ILDR2: variants seen among roughly 807,000 people sequenced by gnomAD.
ILDR2 encodes immunoglobulin like domain containing receptor 2, also known as immunoglobulin-like domain-containing receptor 2.
Under a neutral mutation model 66.8 loss-of-function variants are expected in ILDR2, and 25 were observed. The observed-to-expected ratio is 0.37, with a 90% CI of 0.27 to 0.52. The LOEUF (loss-of-function observed/expected upper bound fraction) is 0.52, where lower values mean the gene tolerates loss of function less well. Ranked by LOEUF, ILDR2 falls within the 20% of genes least tolerant of loss-of-function variation. ILDR2 has a pLI of 0.88. For missense variants in ILDR2, 827 were observed against 876.8 expected (o/e 0.94, Z 0.72); for synonymous variants, 367 against 357.2 (o/e 1.03, Z -0.31).
At chr1:166,945,610 C>T (rs1456939644) in intron 3 of ILDR2, among the ~76,000 whole-genome samples, 2 of 152,266 alleles carry the variant, frequency 1.3e-5, no homozygotes, top group East Asian at 3.9e-4. Flanking sequence ...AATCCAAGCT[C>T]TAATCATTTC....
chr1:166,921,256 G>A lies in ILDR2; in HGVS notation c.1335C>T (p.Asp445=), dbSNP rs1659917778. The A allele has an allele frequency of 8.1e-6, 13 of 1,598,662 alleles. No homozygotes were observed. Among genetic ancestry groups the A allele is most frequent in the Admixed American group, 1.7e-5 (1 of 59,424 alleles). Residue 445 remains aspartate, a synonymous_variant, in exon 9 of 10, where the codon GAC becomes GAT. Coordinates refer to ENST00000271417, the MANE Select transcript of ILDR2 (RefSeq NM_199351.3). The surrounding 1 kb of genome is among the most constrained non-coding windows in gnomAD (Gnocchi z 5.3). ...CGCCCCGCGCCTCGTGACTGTTGCCGTCTGCCCGGCGGGGCCGCTGGCCGT... is the reference window on the plus strand; with the variant it reads ...CGCCCCGCGCCTCGTGACTGTTGCCATCTGCCCGGCGGGGCCGCTGGCCGT... ...DSYGQRPRRA[D]GNSHEARGGS... is the part of the protein sequence containing the mutation.
chr1:166,928,866 G>A (rs2101881212), intron 6 of ILDR2, among the ~76,000 whole-genome samples: 1 of 152,322 alleles, frequency 6.6e-6, no homozygotes, highest in Non-Finnish European at 1.5e-5. Context: ...ACACTTTTTA[G>A]TGGCACTTTC....
intron 1 of ILDR2, among the ~76,000 whole-genome samples, chr1:166,966,329 C>T (rs1185662156): frequency 1.3e-5 from 2 of 152,128 alleles, no homozygotes; most frequent in African/African-American, 4.8e-5. Flanking sequence ...TACCTGATTG[C>T]TCAATCCACT....
chr1:166,920,142 A>T (rs931362919), intron 9 of ILDR2, among the ~76,000 whole-genome samples: 2 of 152,246 alleles, frequency 1.3e-5, no homozygotes, highest in Admixed American at 1.3e-4. Context: ...TCCTTCACAT[A>T]TACGGGCACA....
intron 6 of ILDR2, chr1:166,933,565 T>G: frequency 1.0e-6 from 1 of 982,420 alleles, no homozygotes; most frequent in African/African-American, 1.7e-5. Context: ...ACCAAAATGG[T>G]TGAACTGCAA....
chr1:166,923,276 G>C (rs1660070321), intron 7 of ILDR2, among the ~76,000 whole-genome samples: 1 of 152,210 alleles, frequency 6.6e-6, no homozygotes. Flanking sequence ...CCAGTCCTAA[G>C]ATGGACCTTC....
intron 1 of ILDR2, among the ~76,000 whole-genome samples, chr1:166,963,528 A>G (rs1396968038): frequency 6.6e-6 from 1 of 152,222 alleles, no homozygotes; most frequent in Non-Finnish European, 1.5e-5. Context: ...GTTTGAGAAT[A>G]GCCAACTAAA....
chr1:166,959,474 C>T (rs1488964336), intron 1 of ILDR2, among the ~76,000 whole-genome samples: 1 of 151,900 alleles, frequency 6.6e-6, no homozygotes, highest in East Asian at 1.9e-4. Flanking sequence ...GCAAAGGGGA[C>T]AGAGATGAAA....
intron 1 of ILDR2, among the ~76,000 whole-genome samples, chr1:166,973,548 C>T (rs1663425218): frequency 6.7e-6 from 1 of 149,078 alleles, no homozygotes; most frequent in African/African-American, 2.5e-5. Context: ...TGCAAACCCC[C>T]AGAGTACTTC....
rs72707808 is a variant in ILDR2 at position 166,917,044 on chromosome 1, A to G, written c.*2311T>C. 8.0e-3 allele frequency: 1,224 copies of G among 152,352 alleles called. 9 individuals carry two copies. The highest frequency in any genetic ancestry group is 0.012 in the Admixed American group (191 of 15,302). 9.4% of individuals were successfully genotyped at this position (152,352 alleles called of 1,614,324 possible). A position where few individuals can be genotyped will look rare whatever the true frequency, so the allele number is the denominator to read the frequency against. On this transcript the variant is annotated 3_prime_UTR_variant, in exon 10 of 10. Transcript: ENST00000271417. ...AGCAAGTTGAAATCCAAAGCTGGTG[A>G]CTAAGAAATGTTTTTTATCATCTTT...
At chr1:166,974,363 C>G (rs915721284) in intron 1 of ILDR2, among the ~76,000 whole-genome samples, 6 of 152,300 alleles carry the variant, frequency 3.9e-5, no homozygotes, top group Admixed American at 3.3e-4. Flanking sequence ...CCCTGTATCC[C>G]TATGGGAATC....
At chr1:166,943,219 A>G (rs1661410893) in intron 3 of ILDR2, among the ~76,000 whole-genome samples, 1 of 152,162 alleles carries the variant, frequency 6.6e-6, no homozygotes, top group African/African-American at 2.4e-5. Flanking sequence ...TTGGCCGGGC[A>G]CGGTGGCTCA....
At chr1:166,951,048 G>A (rs1321051894) in intron 3 of ILDR2, among the ~76,000 whole-genome samples, 3 of 152,122 alleles carry the variant, frequency 2.0e-5, no homozygotes, top group African/African-American at 7.2e-5. Flanking sequence ...GCCTGACATT[G>A]TTTTCTTCAT....
At position 166,921,038 on chromosome 1, in the gene ILDR2, G is replaced by A. The variant is rs749874341; in HGVS notation, c.1553C>T (p.Pro518Leu). The A allele has an allele frequency of 6.6e-7, 1 of 1,510,102 alleles. No individual in the cohort carries two copies. Among genetic ancestry groups the A allele is most frequent in the Admixed American group, 2.2e-5 (1 of 46,094 alleles). 93.5% of individuals were successfully genotyped at this position (1,510,102 alleles called of 1,614,324 possible). Residue 518 changes from proline (P) to leucine (L), a missense_variant, in exon 9 of 10, where the codon CCA (proline) becomes CTA (leucine). Transcript: ENST00000271417. This position sits in a 1 kb window ranked among gnomAD's most constrained non-coding sequence, Gnocchi z 5.3. Reference protein sequence around the residue: ...AHLPRLVSRTPGTAPKYDHSY... With the variant: ...AHLPRLVSRTLGTAPKYDHSY... The stretch of plus-strand genomic sequence containing the variant: ...GTGGTCGTATTTGGGTGCGGTGCCT[G>A]GCGTGCGGCTCACCAGCCGCGGCAG...
chr1:166,936,849 G>GCTTTCTTCCCT lies in ILDR2; in HGVS notation c.557-113_557-112insAGGGAAGAAAG. The GCTTTCTTCCCT allele has an allele frequency of 9.7e-7, 1 of 1,032,812 alleles. No individual in the cohort carries two copies. The highest frequency in any genetic ancestry group is 1.4e-6 in the Non-Finnish European group (1 of 691,794). The allele number at this position is 1,032,812 out of a possible 1,614,324, so 64.0% of individuals were successfully genotyped here. On this transcript the variant is annotated intron_variant, in intron 4 of 9. Coordinates refer to ENST00000271417, the MANE Select transcript of ILDR2 (RefSeq NM_199351.3). The surrounding 1 kb of genome is among the most constrained non-coding windows in gnomAD (Gnocchi z 5.0). ...GGGAGAGGAGGAGGGACCTAGGGAA[G>GCTTTCTTCCCT]AAAGCTTCTCTTAACAGGAGACAGA...
At chr1:166,952,582 T>C (rs1662043474) in intron 3 of ILDR2, among the ~76,000 whole-genome samples, 1 of 152,118 alleles carries the variant, frequency 6.6e-6, no homozygotes. Flanking sequence ...GTCAGATGTA[T>C]AGGGTGGAAG....
In ILDR2 at chr1:166,939,438, A is replaced by G. The variant is rs762494815; in HGVS notation, c.556+76T>C. ...AATGTGGCAATAAAGTAAAGAAGCA[A>G]TTAGCGACTAATGCAGAAGCAAGAC... On this transcript the variant is annotated intron_variant, in intron 4 of 9. Coordinates refer to ENST00000271417, the MANE Select transcript of ILDR2 (RefSeq NM_199351.3). 5 of 1,201,598 alleles carry G rather than the reference A, an allele frequency of 4.2e-6. No homozygotes were observed. In the Admixed American group the frequency reaches 8.5e-5, roughly 20 times the overall value. 74.4% of individuals were successfully genotyped at this position (1,201,598 alleles called of 1,614,324 possible).
intron 6 of ILDR2, among the ~76,000 whole-genome samples, chr1:166,930,782 C>T (rs115187071): frequency 0.012 from 1,875 of 152,222 alleles, 39 homozygotes; most frequent in African/African-American, 0.036. Context: ...CATTCCTTGA[C>T]GGCAGGTAAA....
chr1:166,975,036 T>TCA (rs67253020), intron 1 of ILDR2, among the ~76,000 whole-genome samples, 187 bp downstream of exon 1: 110 of 149,032 alleles, frequency 7.4e-4, no homozygotes, highest in African/African-American at 2.3e-3. Context: ...TCTCTCTCTC[T>TCA]CACACACACA....
Sources: allele counts gnomAD v4.1 joint callset (sites outside exome capture counted in the v4.1 genomes callset), GRCh38; gene constraint gnomAD v4.1.1; non-coding constraint Gnocchi (gnomAD v3.1); transcripts MANE v1.5; gene names NCBI Gene and HGNC (gene_info 2026-07-23, HGNC 2026-07-21).